The following NVL variants were observed in gnomAD, a reference collection of about 807,000 sequenced individuals.
NVL encodes the protein nuclear valosin-containing protein-like.
A neutral mutation model predicts 110.2 loss-of-function variants in NVL; 84 were observed. The ratio of observed to expected loss-of-function variants is 0.76; its 90% CI spans 0.64 to 0.91. The LOEUF is 0.91. NVL is among the 40% of genes least tolerant of loss of function. The pLI, the probability that NVL is intolerant of heterozygous loss-of-function variation, is 0.00. For synonymous variants in NVL, 354 were observed against 361.1 expected, an observed-to-expected ratio of 0.98 and a Z score of 0.22; for missense variants, 882 against 1,035.9, an observed-to-expected ratio of 0.85 and a Z score of 2.04.
At chr1:224,229,002 A>G (rs1659547050) in intron 22 of NVL, among the ~76,000 whole-genome samples, 1 of 150,758 alleles carries the variant, frequency 6.6e-6, no homozygotes, top group African/African-American at 2.4e-5. Flanking sequence ...GCAACAATGT[A>G]TAAGAGTTCC....
chr1:224,314,839 A>G (rs1000955202), intron 4 of NVL, among the ~76,000 whole-genome samples: 30 of 152,138 alleles, frequency 2.0e-4, no homozygotes, highest in Non-Finnish European at 8.8e-5. Context: ...ATCGAATCCA[A>G]TTAATACCCT....
intron 6 of NVL, 144 bp downstream of exon 6, chr1:224,307,847 G>A: frequency 1.6e-6 from 1 of 621,764 alleles, no homozygotes; most frequent in South Asian, 4.0e-5. Flanking sequence ...AGAATGGAAA[G>A]CAGTGCAATG....
intron 5 of NVL, 28 bp from the exon 6 acceptor site, chr1:224,308,291 G>C (rs1292097503): frequency 6.4e-7 from 1 of 1,571,066 alleles, no homozygotes; most frequent in East Asian, 2.3e-5. Flanking sequence ...CAAAATTGTA[G>C]CATAAATTAC....
Position 224,321,987 on chromosome 1 carries a change from A to C in NVL, c.132-4057T>G, listed in dbSNP as rs113760415. On this transcript the variant is annotated intron_variant, in intron 2 of 22. Coordinates refer to ENST00000281701, the MANE Select transcript of NVL (RefSeq NM_002533.4). ...CTGGGTGACTGGCTGAGTAACAGTC[A>C]TACCACCAACTAAGAAAAAAGGTTA... Among the ~76,000 whole-genome samples, 628 of 152,324 alleles carry C rather than the reference A, an allele frequency of 4.1e-3. 5 individuals carry two copies. The highest frequency in any genetic ancestry group is 0.015 in the African/African-American group (604 of 41,568).
At chr1:224,235,213 C>G (rs527514409) in intron 20 of NVL, among the ~76,000 whole-genome samples, 81 of 152,108 alleles carry the variant, frequency 5.3e-4, no homozygotes, top group African/African-American at 1.8e-3. Flanking sequence ...TGTTGCCCAG[C>G]CTGGAGTGCA....
chr1:224,289,494 G>C lies in NVL; in HGVS notation c.1565C>G (p.Ser522Cys). 6.2e-7 allele frequency: 1 copy of C among 1,614,104 alleles called. No homozygotes were observed. Among genetic ancestry groups the C allele is most frequent in the Non-Finnish European group, 8.5e-7 (1 of 1,180,010 alleles). ...QEERLGTEPTSETQDELQRLL... is the reference protein window; with the variant it reads ...QEERLGTEPTCETQDELQRLL... The stretch of plus-strand genomic sequence containing the variant: ...CTTTAGAGAAAGCACCTGTGTTTCA[G>C]AAGTGGGCTCAGTTCCCAGCCTTTC... Residue 522 changes from serine to cysteine, a missense_variant, in exon 13 of 23, where the codon TCT becomes TGT. Coordinates refer to ENST00000281701, the MANE Select transcript of NVL (RefSeq NM_002533.4).
At chr1:224,327,042 C>T (rs1266542166) in intron 1 of NVL, among the ~76,000 whole-genome samples, 1 of 152,070 alleles carries the variant, frequency 6.6e-6, no homozygotes, top group Non-Finnish European at 1.5e-5. Flanking sequence ...TTTTGGGAGG[C>T]CAAGGTGGGA....
intron 4 of NVL, among the ~76,000 whole-genome samples, chr1:224,316,738 A>T (rs1670114938): frequency 6.6e-6 from 1 of 151,952 alleles, no homozygotes; most frequent in African/African-American, 2.4e-5. Context: ...TGCAAAGCGG[A>T]ACAAGAAGAC....
chr1:224,300,274 CATAAGG>C (rs1163477125), intron 10 of NVL, among the ~76,000 whole-genome samples: 2 of 152,098 alleles, frequency 1.3e-5, no homozygotes, highest in African/African-American at 4.8e-5. Flanking sequence ...TGGAAAATAT[CATAAGG>C]ATAATATATT....
At chr1:224,307,881 A>T in intron 6 of NVL, 110 bp downstream of exon 6, 2 of 979,554 alleles carry the variant, frequency 2.0e-6, no homozygotes, top group Non-Finnish European at 2.9e-6. Flanking sequence ...CATATATTTT[A>T]AAGTTCCTAT....
chr1:224,233,301 T>C lies in NVL; in HGVS notation c.2367-12A>G, dbSNP rs767042652. On this transcript the variant is annotated splice_polypyrimidine_tract_variant and intron_variant, in intron 20 of 22. Transcript: ENST00000281701. ...AGAGATCTGCGCCCCTACAATAAAA[T>C]AATAGTTATCTACTTATTCTTAGAT... 3 of 1,589,838 alleles carry C rather than the reference T, an allele frequency of 1.9e-6. No homozygotes were observed. The East Asian group carries it at 6.7e-5, about 36-fold the overall frequency.
chr1:224,239,881 T>A (rs1207268601), intron 19 of NVL, among the ~76,000 whole-genome samples: 2 of 152,130 alleles, frequency 1.3e-5, no homozygotes, highest in East Asian at 3.8e-4. Context: ...CGCATCTTAG[T>A]GTTCTCTTTG....
Position 224,277,270 on chromosome 1 carries a change from G to A in NVL, c.1963-1812C>T, listed in dbSNP as rs185058570. Among the ~76,000 whole-genome samples the A allele has an allele frequency of 4.6e-5, 7 of 152,272 alleles. No individual in the cohort carries two copies. The East Asian group carries it at 1.2e-3, about 25-fold the overall frequency. On this transcript the variant is annotated intron_variant, in intron 16 of 22. Coordinates refer to ENST00000281701, the MANE Select transcript of NVL (RefSeq NM_002533.4). Reference sequence around the variant, plus strand: ...TTTCTGTCATAACATCCTGCACAGTGTACAAATATAGCACACAGTGTGCAA... The same window carrying A: ...TTTCTGTCATAACATCCTGCACAGTATACAAATATAGCACACAGTGTGCAA...
At chr1:224,249,658 T>G (rs1662246927) in intron 19 of NVL, among the ~76,000 whole-genome samples, 1 of 152,048 alleles carries the variant, frequency 6.6e-6, no homozygotes, top group Non-Finnish European at 1.5e-5. Context: ...GGCAGGAGAA[T>G]GGCGTGAACC....
At chr1:224,294,241 A>T in intron 12 of NVL, 26 bp downstream of exon 12, 1 of 1,613,290 alleles carries the variant, frequency 6.2e-7, no homozygotes, top group Non-Finnish European at 8.5e-7. Flanking sequence ...TTAGTGGCAT[A>T]CAAACTTCAT....
At chr1:224,300,705 A>G (rs1027570464) in intron 9 of NVL, 42 bp from the exon 10 acceptor site, 1 of 1,492,644 alleles carries the variant, frequency 6.7e-7, no homozygotes, top group Admixed American at 1.8e-5. Context: ...TTCAAATTTT[A>G]ATTTCCCTAC....
intron 10 of NVL, 90 bp downstream of exon 10, chr1:224,300,472 G>T: frequency 2.4e-6 from 2 of 818,784 alleles, no homozygotes; most frequent in Non-Finnish European, 3.9e-6. Context: ...CCAGTGAGTG[G>T]GTTAACAAAT....
At chr1:224,228,548 C>T (rs1424552381) in intron 22 of NVL, among the ~76,000 whole-genome samples, 1 of 151,656 alleles carries the variant, frequency 6.6e-6, no homozygotes, top group East Asian at 2.0e-4. Context: ...CATGATCCAC[C>T]CGCCTCGGCC....
At chr1:224,312,848 GAAA>G in intron 4 of NVL, 1 of 113,530 alleles carries the variant, frequency 8.8e-6, no homozygotes, top group Non-Finnish European at 1.9e-5. Flanking sequence ...ATTTAAATAA[GAAA>G]AAAAAAAAGC....
Sources: gnomAD v4.1 joint callset for allele counts (sites outside exome capture counted in the v4.1 genomes callset) on GRCh38, gnomAD v4.1.1 for gene constraint, MANE v1.5 for transcripts, NCBI Gene and HGNC (gene_info 2026-07-23, HGNC 2026-07-21) for gene names.